ACMSD: variants seen among roughly 807,000 people sequenced by gnomAD.
ACMSD encodes 2-amino-3-carboxymuconate-6-semialdehyde decarboxylase.
ACMSD carries 37 observed loss-of-function variants against 45.9 expected under a neutral mutation model. The ratio of observed to expected loss-of-function variants is 0.81; its 90% CI spans 0.62 to 1.06. The LOEUF is 1.06. ACMSD is among the 50% of genes least tolerant of loss of function. The pLI is 0.00. For missense variants in ACMSD, 434 were observed against 420.9 expected (o/e 1.03, Z -0.27); for synonymous variants, 138 against 148.8 (o/e 0.93, Z 0.53).
intron 5 of ACMSD, 131 bp downstream of exon 5, chr2:134,863,762 A>G: frequency 1.1e-6 from 1 of 895,946 alleles, no homozygotes; most frequent in Non-Finnish European, 1.7e-6. Context: ...GACTTGTTTG[A>G]TGTAGGTAGA....
chr2:134,885,093 G>A (rs938841724), intron 8 of ACMSD, among the ~76,000 whole-genome samples: 1 of 150,178 alleles, frequency 6.7e-6, no homozygotes, highest in African/African-American at 2.5e-5. Context: ...CTACTTGGGA[G>A]GATGAGGTGA....
chr2:134,857,442 C>T (rs553098320), intron 2 of ACMSD, among the ~76,000 whole-genome samples: 3 of 152,068 alleles, frequency 2.0e-5, no homozygotes, highest in Non-Finnish European at 2.9e-5. Context: ...GACTCTATCT[C>T]GAGAAATAAA....
At chr2:134,858,305 T>C (rs958080836) in intron 2 of ACMSD, among the ~76,000 whole-genome samples, 7 of 152,234 alleles carry the variant, frequency 4.6e-5, no homozygotes, top group Non-Finnish European at 8.8e-5. Context: ...TGTACTTATA[T>C]GTAGAATCTA....
chr2:134,850,487 C>CT (rs1687285819), intron 2 of ACMSD, among the ~76,000 whole-genome samples: 1 of 152,076 alleles, frequency 6.6e-6, no homozygotes, highest in Non-Finnish European at 1.5e-5. Flanking sequence ...AGGCTGGTCT[C>CT]TAACTCCTGA....
intron 2 of ACMSD, among the ~76,000 whole-genome samples, chr2:134,856,715 T>C (rs1433445705): frequency 6.6e-6 from 1 of 152,224 alleles, no homozygotes; most frequent in Non-Finnish European, 1.5e-5. Context: ...GTTCCTTATA[T>C]AGTTTGGATG....
At position 134,863,509 on chromosome 2, in the gene ACMSD, CCT is replaced by C. The variant is rs1687942980; in HGVS notation, c.365_366del (p.Pro122ArgfsTer91). On this transcript the variant is annotated frameshift_variant, in exon 5 of 10. Transcript: ENST00000356140. LOFTEE classifies it high-confidence loss of function. The stretch of plus-strand genomic sequence containing the variant: ...TCTGGGGACGTTGCCCATGCAGGCC[CCT>C]GAGCTGGCGGTCAAGGAGATGGAGC... ...VGLGTLPMQA[P>X]ELAVKEMERC... is the part of the protein sequence containing the mutation. 1.9e-6 allele frequency: 3 copies of C among 1,614,218 alleles called. No individual in the cohort carries two copies. Among genetic ancestry groups the C allele is most frequent in the Non-Finnish European group, 2.5e-6 (3 of 1,180,038 alleles).
At chr2:134,870,822 T>C (rs1187089381) in intron 6 of ACMSD, 143 bp from the exon 7 acceptor site, 2 of 565,144 alleles carry the variant, frequency 3.5e-6, no homozygotes. Context: ...GCCAAAGTAA[T>C]GTCCTATATA....
At chr2:134,858,091 T>C (rs1687665501) in intron 2 of ACMSD, among the ~76,000 whole-genome samples, 1 of 152,070 alleles carries the variant, frequency 6.6e-6, no homozygotes, top group Admixed American at 6.5e-5. Flanking sequence ...CCATGTTCAA[T>C]GTAGCATCAT....
chr2:134,840,487 G>A (rs2104803308), intron 1 of ACMSD, among the ~76,000 whole-genome samples: 1 of 152,290 alleles, frequency 6.6e-6, no homozygotes, highest in African/African-American at 2.4e-5. Flanking sequence ...ATTAGGAGAT[G>A]CAGCCTTCTG....
chr2:134,901,860 A>G lies in ACMSD; in HGVS notation c.1011A>G (p.Ter337TrpextTer18), dbSNP rs1244761998. 6.3e-7 allele frequency: 1 copy of G among 1,597,926 alleles called. No homozygotes were observed. The highest frequency in any genetic ancestry group is 1.7e-5 in the Admixed American group (1 of 59,208). The stretch of plus-strand genomic sequence containing the variant: ...GTCTTGAGAGAAAACAATTTGAATG[A>G]CTGAATTTACTACAAAGGCAAACTT... ...FLGLERKQFE[*>W] The change falls in exon 10 of 10, where the codon TGA (stop) becomes TGG (tryptophan). Residue 337 changes from the stop codon to tryptophan, a stop_lost. Transcript: ENST00000356140.
chr2:134,858,943 G>T (rs972860688), intron 2 of ACMSD, among the ~76,000 whole-genome samples: 1 of 147,346 alleles, frequency 6.8e-6, no homozygotes, highest in Admixed American at 7.0e-5. Context: ...CCATCCTCTT[G>T]TATCTAGTAG....
intron 2 of ACMSD, among the ~76,000 whole-genome samples, chr2:134,852,701 CAG>C (rs968080021): frequency 5.9e-5 from 9 of 152,106 alleles, no homozygotes; most frequent in Non-Finnish European, 1.0e-4. Context: ...GTGGGAGCTG[CAG>C]TGACTACAGA....
In ACMSD at chr2:134,872,659, C is replaced by T. The variant is rs368346699; in HGVS notation, c.849+18C>T. ...TAGGAAAGGTAAGCCCAGTCTGCCA[C>T]TTGGATGGCTTATGGGGAGCAGAAT... On this transcript the variant is annotated intron_variant, in intron 8 of 9. Transcript: ENST00000356140. The T allele has an allele frequency of 1.6e-5, 26 of 1,613,892 alleles. No individual in the cohort carries two copies. Among genetic ancestry groups the T allele is most frequent in the Non-Finnish European group, 2.0e-5 (24 of 1,179,886 alleles).
chr2:134,844,487 C>A (rs1009792351), intron 1 of ACMSD: 11 of 152,356 alleles, frequency 7.2e-5, no homozygotes, highest in African/African-American at 2.2e-4. Context: ...TATTCCAGAG[C>A]AAAATGTGTG....
chr2:134,863,872 C>CTT (rs1350890244), intron 5 of ACMSD, among the ~76,000 whole-genome samples: 9 of 152,188 alleles, frequency 5.9e-5, no homozygotes, highest in Admixed American at 5.9e-4. Flanking sequence ...AATCTCTTTT[C>CTT]TTTCCATCCC....
intron 5 of ACMSD, among the ~76,000 whole-genome samples, 169 bp downstream of exon 5, chr2:134,863,800 G>C (rs998696159): frequency 6.6e-6 from 1 of 152,052 alleles, no homozygotes; most frequent in African/African-American, 2.4e-5. Context: ...CCGCAAAGGA[G>C]TGGGCCATTC....
intron 8 of ACMSD, among the ~76,000 whole-genome samples, chr2:134,881,899 C>T (rs1689060371): frequency 6.6e-6 from 1 of 152,136 alleles, no homozygotes; most frequent in South Asian, 2.1e-4. Flanking sequence ...GGTTGGATCA[C>T]TTGAGGTCAG....
At chr2:134,871,744 C>T (rs190925169) in intron 7 of ACMSD, among the ~76,000 whole-genome samples, 313 of 151,322 alleles carry the variant, frequency 2.1e-3, no homozygotes, top group Non-Finnish European at 2.5e-3. Context: ...CGCTAACATG[C>T]CTTTCCTCCT....
intron 8 of ACMSD, among the ~76,000 whole-genome samples, chr2:134,886,365 C>A (rs1269846650): frequency 6.6e-6 from 1 of 151,062 alleles, no homozygotes; most frequent in Non-Finnish European, 1.5e-5. Flanking sequence ...TCTCCTGCCT[C>A]AGCCTCTCGA....
Sources: allele counts gnomAD v4.1 joint callset (sites outside exome capture counted in the v4.1 genomes callset), GRCh38; gene constraint gnomAD v4.1.1; transcripts MANE v1.5; gene names NCBI Gene and HGNC (gene_info 2026-07-23, HGNC 2026-07-21).